Variants in SSBP3 observed in about 807,000 individuals in gnomAD.
SSBP3 encodes single stranded DNA binding protein 3.
Under a neutral mutation model 69.6 loss-of-function variants are expected in SSBP3, and 5 were observed. That is an observed-to-expected ratio of 0.07 (90% CI 0.04 to 0.15). SSBP3 has a LOEUF of 0.15. Among genes scored for constraint, SSBP3 ranks in the 10% least tolerant of loss-of-function variants. SSBP3 has a pLI of 1.00. For missense variants in SSBP3, 312 were observed against 534.0 expected (o/e 0.58, Z 4.10); for synonymous variants, 196 against 193.4 (o/e 1.01, Z -0.11).
At chr1:54,350,332 T>C (rs953802618) in intron 4 of SSBP3, among the ~76,000 whole-genome samples, 3 of 152,250 alleles carry the variant, frequency 2.0e-5, no homozygotes, top group Admixed American at 2.0e-4. Context: ...TGCTTCTTTT[T>C]GAAAGTGCGG....
At chr1:54,316,321 C>T (rs1025921019) in intron 4 of SSBP3, among the ~76,000 whole-genome samples, 14 of 147,408 alleles carry the variant, frequency 9.5e-5, no homozygotes, top group African/African-American at 2.3e-4. Context: ...CCAGCCTGGA[C>T]GACAGAGCGA....
chr1:54,328,194 GC>G (rs1646345110), intron 4 of SSBP3, among the ~76,000 whole-genome samples: 1 of 152,084 alleles, frequency 6.6e-6, no homozygotes, highest in South Asian at 2.1e-4. Flanking sequence ...AAGCAACAGG[GC>G]CCGCAGCGAA....
At chr1:54,371,808 CA>C (rs1279814568) in intron 4 of SSBP3, among the ~76,000 whole-genome samples, 1 of 152,132 alleles carries the variant, frequency 6.6e-6, no homozygotes, top group East Asian at 1.9e-4. Context: ...GACAGTCGGG[CA>C]GGGGTGGGGG....
chr1:54,282,840 C>G (rs1645421819), intron 4 of SSBP3, among the ~76,000 whole-genome samples: 1 of 152,242 alleles, frequency 6.6e-6, no homozygotes, highest in Non-Finnish European at 1.5e-5. Context: ...AATCATCTCC[C>G]AGGGTTCTGA....
intron 4 of SSBP3, among the ~76,000 whole-genome samples, chr1:54,302,389 T>C (rs1054485177): frequency 3.3e-5 from 5 of 151,630 alleles, no homozygotes; most frequent in South Asian, 2.1e-4. Context: ...GCGTGATTAC[T>C]GCAACTTCCA....
chr1:54,390,836 A>G (rs942419383), intron 4 of SSBP3, among the ~76,000 whole-genome samples: 8 of 152,122 alleles, frequency 5.3e-5, no homozygotes, highest in Non-Finnish European at 7.4e-5. Flanking sequence ...GCAGGCGGGC[A>G]GCGCTGCCAA....
At chr1:54,266,739 G>A (rs1012013843) in intron 5 of SSBP3, among the ~76,000 whole-genome samples, 27 of 151,700 alleles carry the variant, frequency 1.8e-4, no homozygotes, top group Non-Finnish European at 2.9e-4. Flanking sequence ...TCAGAGCCAA[G>A]ATGTTATGCC....
At chr1:54,241,545 T>G (rs1267453090) in intron 11 of SSBP3, 36 bp from the exon 12 acceptor site, 4 of 1,611,080 alleles carry the variant, frequency 2.5e-6, no homozygotes, top group Non-Finnish European at 3.4e-6. Context: ...CACGTCAGAG[T>G]CACTGAGTGC....
At position 54,258,042 on chromosome 1, in the gene SSBP3, C is replaced by T. The variant is rs749596072; in HGVS notation, c.447+27G>A. 1.2e-5 allele frequency: 18 copies of T among 1,563,548 alleles called. No individual in the cohort carries two copies. Among genetic ancestry groups the T allele is most frequent in the South Asian group, 2.4e-5 (2 of 84,788 alleles). ...CTTCCTCCGCGCCCCGCGTCCCCGG[C>T]GGGCGGGAGCGCCACGGTGCGTTTA... On this transcript the variant is annotated intron_variant, in intron 6 of 17. Coordinates refer to ENST00000610401, the Ensembl canonical transcript of SSBP3. The surrounding 1 kb of genome is among the most constrained non-coding windows in gnomAD (Gnocchi z 4.5).
intron 14 of SSBP3, among the ~76,000 whole-genome samples, chr1:54,234,251 T>C (rs1377148343): frequency 6.7e-6 from 1 of 148,574 alleles, no homozygotes; most frequent in African/African-American, 2.5e-5. Context: ...CCAGAGACCT[T>C]TGTTCACTTG....
At chr1:54,255,140 A>C (rs1644896542) in intron 7 of SSBP3, among the ~76,000 whole-genome samples, 1 of 77,144 alleles carries the variant, frequency 1.3e-5, no homozygotes, top group Non-Finnish European at 2.2e-5. Flanking sequence ...CCCAGTGTAG[A>C]TTTCTATTGC....
At chr1:54,242,101 A>AG in intron 11 of SSBP3, 63 bp downstream of exon 11, 1 of 1,581,212 alleles carries the variant, frequency 6.3e-7, no homozygotes, top group Non-Finnish European at 8.7e-7. Context: ...CAGGGACAGT[A>AG]GCTCCCCTGC....
chr1:54,240,087 TGCGCGCGCGCGCGTGTGC>T (rs1432843424), intron 13 of SSBP3, among the ~76,000 whole-genome samples: 487 of 42,300 alleles, frequency 0.012, 2 homozygotes, highest in Non-Finnish European at 0.012. Context: ...TGTGTGTGTG[TGCGCGCGCGCGCGTGTGC>T]GTGCGCGCGC....
At chr1:54,331,728 G>A (rs1027222943) in intron 4 of SSBP3, among the ~76,000 whole-genome samples, 3 of 152,230 alleles carry the variant, frequency 2.0e-5, no homozygotes, top group Admixed American at 1.3e-4. Flanking sequence ...CAAAAAGGAA[G>A]AGCAATGTCT....
At position 54,401,972 on chromosome 1, in the gene SSBP3, C is replaced by T. The variant is rs199949562; in HGVS notation, c.192-27G>A. On this transcript the variant is annotated intron_variant, in intron 3 of 17. Transcript: ENST00000610401. ...TGCGAGGAGGAAAATAAAATAAGGT[C>T]AGGTTACTAATTATTACTTGTGTAC... The T allele has an allele frequency of 2.1e-4, 335 of 1,598,322 alleles. 1 individual carries two copies. The highest frequency in any genetic ancestry group is 3.5e-4 in the African/African-American group (26 of 74,760).
At chr1:54,238,144 A>C in intron 14 of SSBP3, 1 of 470,996 alleles carries the variant, frequency 2.1e-6, no homozygotes, top group African/African-American at 2.0e-5. Flanking sequence ...CAGGCCAGAA[A>C]CCATCCCTCA....
rs184350514 is a variant in SSBP3 at position 54,392,347 on chromosome 1, A to C, written c.276+9514T>G. 1.9e-3 allele frequency among the ~76,000 whole-genome samples: 287 copies of C among 152,344 alleles called. 16 individuals are homozygous for C. The South Asian group carries it at 0.041, about 22-fold the overall frequency. On this transcript the variant is annotated intron_variant, in intron 4 of 17. Coordinates refer to ENST00000610401, the Ensembl canonical transcript of SSBP3. Reference sequence around the variant, plus strand: ...ACTTAACTTGTAGGAACTAAGATTCAGTCTCAGCTGTCTCTGGGCTAGTGG... The same window carrying C: ...ACTTAACTTGTAGGAACTAAGATTCCGTCTCAGCTGTCTCTGGGCTAGTGG...
At position 54,258,345 on chromosome 1, in the gene SSBP3, C is replaced by T. The variant is rs770065839; in HGVS notation, c.367-196G>A. On this transcript the variant is annotated intron_variant, in intron 5 of 17. Coordinates refer to ENST00000610401, the Ensembl canonical transcript of SSBP3. This position sits in a 1 kb window ranked among gnomAD's most constrained non-coding sequence, Gnocchi z 4.5. ...AACGGTGTAAAACGGCGAGCGGGAG[C>T]GAGAGAAGCTGATAAATACATTCAC... Among the ~76,000 whole-genome samples, 3 of 152,022 alleles carry T rather than the reference C, an allele frequency of 2.0e-5. No homozygotes were observed. The highest frequency in any genetic ancestry group is 4.4e-5 in the Non-Finnish European group (3 of 68,010).
intron 4 of SSBP3, among the ~76,000 whole-genome samples, chr1:54,363,821 G>C (rs1353660632): frequency 6.6e-6 from 1 of 152,182 alleles, no homozygotes; most frequent in Non-Finnish European, 1.5e-5. Flanking sequence ...ACTTAAAATA[G>C]GATTTACCAA....
Sources: gnomAD v4.1 joint callset for allele counts (sites outside exome capture counted in the v4.1 genomes callset) on GRCh38, gnomAD v4.1.1 for gene constraint, Gnocchi (gnomAD v3.1) non-coding constraint, MANE v1.5 for transcripts, NCBI Gene and HGNC (gene_info 2026-07-23, HGNC 2026-07-21) for gene names.